The following ERC2 variants were observed in gnomAD, a reference collection of about 807,000 sequenced individuals.
ERC2 encodes the protein ELKS/RAB6-interacting/CAST family member 2.
ERC2 carries 42 observed loss-of-function variants against 114.8 expected under a neutral mutation model. The observed-to-expected ratio is 0.37, with a 90% CI of 0.29 to 0.47. The LOEUF (loss-of-function observed/expected upper bound fraction) is 0.47. Among genes scored for constraint, ERC2 ranks in the 20% least tolerant of loss-of-function variants. The pLI, the probability that ERC2 is intolerant of heterozygous loss-of-function variation, is 0.99. For missense variants in ERC2, 939 were observed against 1,150.7 expected (o/e 0.82, Z 2.66); for synonymous variants, 454 against 425.5 (o/e 1.07, Z -0.82).
intron 12 of ERC2, among the ~76,000 whole-genome samples, chr3:55,958,826 T>A (rs1016448609): frequency 1.3e-5 from 2 of 152,158 alleles, no homozygotes; most frequent in African/African-American, 2.4e-5. Context: ...AACAGGCACT[T>A]CTGAGCCTGT....
chr3:56,219,479 A>G (rs1166637754), intron 3 of ERC2, among the ~76,000 whole-genome samples: 2 of 151,996 alleles, frequency 1.3e-5, no homozygotes, highest in Non-Finnish European at 2.9e-5. Flanking sequence ...CAAAACCAAT[A>G]TGTATCCTGA....
chr3:55,973,568 G>A (rs973486100), intron 12 of ERC2, among the ~76,000 whole-genome samples: 2 of 152,204 alleles, frequency 1.3e-5, no homozygotes, highest in Non-Finnish European at 2.9e-5. Flanking sequence ...TTGCTCTTGA[G>A]ATTATCTAGG....
chr3:56,457,744 T>C (rs2063127174), intron 1 of ERC2, among the ~76,000 whole-genome samples: 1 of 152,162 alleles, frequency 6.6e-6, no homozygotes, highest in African/African-American at 2.4e-5. Flanking sequence ...GAATCTCCCA[T>C]TCTCTCGCTT....
chr3:56,428,623 A>C (rs2061671390), intron 2 of ERC2, among the ~76,000 whole-genome samples: 1 of 152,234 alleles, frequency 6.6e-6, no homozygotes, highest in Non-Finnish European at 1.5e-5. Flanking sequence ...CAGTAATAAT[A>C]AAGGAAACAC....
chr3:56,301,481 C>T (rs1236343753), intron 2 of ERC2, among the ~76,000 whole-genome samples: 2 of 152,124 alleles, frequency 1.3e-5, no homozygotes, highest in Non-Finnish European at 2.9e-5. Flanking sequence ...GTGAAGTAAT[C>T]TTATCCATCC....
At chr3:56,287,532 C>T (rs1363531527) in intron 3 of ERC2, among the ~76,000 whole-genome samples, 6 of 152,290 alleles carry the variant, frequency 3.9e-5, no homozygotes, top group African/African-American at 4.8e-5. Context: ...TATGACCTCA[C>T]GGATTTATAG....
intron 1 of ERC2, among the ~76,000 whole-genome samples, chr3:56,466,790 G>A (rs1285970949): frequency 6.6e-6 from 1 of 152,140 alleles, no homozygotes; most frequent in African/African-American, 2.4e-5. Flanking sequence ...TGTATACTGA[G>A]AAACAATGTG....
chr3:55,510,234 C>T lies in ERC2; in HGVS notation c.*1082G>A, dbSNP rs1335493933. 1 of 150,128 alleles carries T rather than the reference C, an allele frequency of 6.7e-6. No homozygotes were observed. Among genetic ancestry groups the T allele is most frequent in the African/African-American group, 2.5e-5 (1 of 40,286 alleles). The allele number at this position is 150,128 out of a possible 1,614,324, so 9.3% of individuals were successfully genotyped here. A position where few individuals can be genotyped will look rare whatever the true frequency, so the allele number is the denominator to read the frequency against. ...GTTTTCATGTTTGATGCTGAAAATG[C>T]TTTGGAATCCATGTTGCAGACACAT... On this transcript the variant is annotated 3_prime_UTR_variant, in exon 18 of 18. Coordinates refer to ENST00000288221, the MANE Select transcript of ERC2 (RefSeq NM_015576.3).
intron 7 of ERC2, among the ~76,000 whole-genome samples, chr3:56,027,961 A>G (rs943508591): frequency 6.6e-6 from 1 of 151,996 alleles, no homozygotes; most frequent in African/African-American, 2.4e-5. Context: ...ACTTTTTGTT[A>G]TTTTTTGCAT....
At chr3:55,931,946 T>C (rs926504376) in intron 13 of ERC2, among the ~76,000 whole-genome samples, 1 of 152,212 alleles carries the variant, frequency 6.6e-6, no homozygotes, top group African/African-American at 2.4e-5. Context: ...TACTTCTTTT[T>C]TCAACTCTCA....
intron 2 of ERC2, among the ~76,000 whole-genome samples, chr3:56,312,767 T>G (rs2056654363): frequency 6.6e-6 from 1 of 151,274 alleles, no homozygotes; most frequent in Admixed American, 6.6e-5. Flanking sequence ...GAGGAGTCTG[T>G]GATAAATCTT....
chr3:55,732,219 A>T (rs2065294272), intron 15 of ERC2, among the ~76,000 whole-genome samples: 1 of 152,218 alleles, frequency 6.6e-6, no homozygotes, highest in African/African-American at 2.4e-5. Context: ...CCCAGCATGG[A>T]GTAAATGCTC....
rs972758741 is a variant in ERC2 at position 55,886,527 on chromosome 3, A to G, written c.2564+1862T>C. Among the ~76,000 whole-genome samples, 5 of 152,356 alleles carry G rather than the reference A, an allele frequency of 3.3e-5. No homozygotes were observed. The South Asian group carries it at 1.0e-3, about 32-fold the overall frequency. On this transcript the variant is annotated intron_variant, in intron 14 of 17. Transcript: ENST00000288221. Reference sequence around the variant, plus strand: ...TTTATGAACTTTGTATATAGACATTATAAAAATACATAACTTTAGATTCTA... The same window carrying G: ...TTTATGAACTTTGTATATAGACATTGTAAAAATACATAACTTTAGATTCTA...
chr3:55,950,660 A>G lies in ERC2; in HGVS notation c.2268-100T>C. 3 of 1,293,142 alleles carry G rather than the reference A, an allele frequency of 2.3e-6. No individual in the cohort carries two copies. The East Asian group carries it at 6.9e-5, about 30-fold the overall frequency. The allele number at this position is 1,293,142 out of a possible 1,614,324, so 80.1% of individuals were successfully genotyped here. On this transcript the variant is annotated intron_variant, in intron 12 of 17. Transcript: ENST00000288221. The stretch of plus-strand genomic sequence containing the variant: ...GTACTAAGTATAGGCTATCTGGATA[A>G]GGGCTTGGGAAAAAGATGATACTTC...
chr3:55,673,358 G>A (rs2061641505), intron 17 of ERC2, among the ~76,000 whole-genome samples: 2 of 152,184 alleles, frequency 1.3e-5, no homozygotes, highest in African/African-American at 4.8e-5. Flanking sequence ...GCCGAGGTGG[G>A]CAGATCACGA....
intron 13 of ERC2, among the ~76,000 whole-genome samples, chr3:55,919,323 G>A (rs2065280678): frequency 6.6e-6 from 1 of 152,154 alleles, no homozygotes; most frequent in African/African-American, 2.4e-5. Flanking sequence ...AAGCTGTCAT[G>A]AGCTATGACC....
intron 2 of ERC2, among the ~76,000 whole-genome samples, chr3:56,370,595 G>GT (rs71621814): frequency 0.047 from 5,839 of 123,974 alleles, 163 homozygotes; most frequent in African/African-American, 0.055. Flanking sequence ...GGGTTTTTTT[G>GT]TTTTTTTTTT....
intron 14 of ERC2, among the ~76,000 whole-genome samples, chr3:55,735,977 C>T (rs1445530934): frequency 6.6e-6 from 1 of 152,152 alleles, no homozygotes; most frequent in Non-Finnish European, 1.5e-5. Context: ...CTTTCTCTAT[C>T]CAGAGCCAAT....
intron 1 of ERC2, among the ~76,000 whole-genome samples, chr3:56,457,716 T>C (rs1030502223): frequency 6.6e-5 from 10 of 152,136 alleles, no homozygotes; most frequent in African/African-American, 1.9e-4. Flanking sequence ...TCTACCTACA[T>C]TTACCTCCGT....
Sources: allele counts gnomAD v4.1 joint callset (sites outside exome capture counted in the v4.1 genomes callset), GRCh38; gene constraint gnomAD v4.1.1; transcripts MANE v1.5; gene names NCBI Gene and HGNC (gene_info 2026-07-23, HGNC 2026-07-21).